The following LHFPL3 variants were observed in gnomAD, a reference collection of about 807,000 sequenced individuals.
LHFPL3 encodes the protein LHFPL tetraspan subfamily member 3.
A neutral mutation model predicts 19.3 loss-of-function variants in LHFPL3; 5 were observed. The ratio of observed to expected loss-of-function variants is 0.26; its 90% CI spans 0.14 to 0.54. The LOEUF is 0.54. Among genes scored for constraint, LHFPL3 ranks in the 20% least tolerant of loss-of-function variants. LHFPL3 has a pLI of 0.94. For missense variants in LHFPL3, 249 were observed against 307.4 expected (o/e 0.81, Z 1.42); for synonymous variants, 133 against 126.2 (o/e 1.05, Z -0.36).
At chr7:104,884,360 C>T (rs994850468) in intron 2 of LHFPL3, among the ~76,000 whole-genome samples, 8 of 152,186 alleles carry the variant, frequency 5.3e-5, no homozygotes, top group Admixed American at 3.3e-4. Context: ...CCTCTGACCG[C>T]TCCCCTGTCC....
intron 1 of LHFPL3, among the ~76,000 whole-genome samples, chr7:104,329,956 C>G (rs938777362): frequency 2.0e-5 from 3 of 152,192 alleles, no homozygotes; most frequent in African/African-American, 7.2e-5. Flanking sequence ...CTCAAGATCT[C>G]ATTTTTGGGA....
intron 1 of LHFPL3, among the ~76,000 whole-genome samples, chr7:104,484,553 G>A (rs1793201890): frequency 6.6e-6 from 1 of 152,174 alleles, no homozygotes; most frequent in Non-Finnish European, 1.5e-5. Context: ...TTCTTCCTGA[G>A]GCAGATGAGG....
intron 1 of LHFPL3, among the ~76,000 whole-genome samples, chr7:104,658,156 CAGAT>C (rs1156782969): frequency 6.6e-6 from 1 of 152,116 alleles, no homozygotes; most frequent in Non-Finnish European, 1.5e-5. Context: ...CTGACTTGGT[CAGAT>C]AAGATTCATA....
chr7:104,596,050 C>A (rs2891728), intron 1 of LHFPL3, among the ~76,000 whole-genome samples: 1 of 152,200 alleles, frequency 6.6e-6, no homozygotes, highest in African/African-American at 2.4e-5. Flanking sequence ...CTTTGGCTCA[C>A]CCTCCGTGGG....
chr7:104,686,695 G>C (rs1206507289), intron 1 of LHFPL3, among the ~76,000 whole-genome samples: 1 of 152,166 alleles, frequency 6.6e-6, no homozygotes, highest in Non-Finnish European at 1.5e-5. Context: ...CCCAAGTTGA[G>C]AGCAGTACTT....
intron 1 of LHFPL3, among the ~76,000 whole-genome samples, chr7:104,364,958 C>T (rs575008568): frequency 6.6e-6 from 1 of 152,236 alleles, no homozygotes; most frequent in African/African-American, 2.4e-5. Context: ...GAGAGAGATA[C>T]TGAGGGTGCA....
intron 1 of LHFPL3, among the ~76,000 whole-genome samples, chr7:104,513,360 A>C (rs1057366589): frequency 1.3e-5 from 2 of 152,206 alleles, no homozygotes; most frequent in African/African-American, 4.8e-5. Flanking sequence ...CAGTGCTGGG[A>C]AAAATGGTTG....
chr7:104,472,460 G>T (rs915464020), intron 1 of LHFPL3, among the ~76,000 whole-genome samples: 14 of 151,972 alleles, frequency 9.2e-5, no homozygotes, highest in African/African-American at 3.4e-4. Context: ...CAAGAACAAA[G>T]AATAAAATAA....
intron 1 of LHFPL3, among the ~76,000 whole-genome samples, chr7:104,502,008 A>G (rs1303631824): frequency 6.6e-6 from 1 of 152,218 alleles, no homozygotes; most frequent in Non-Finnish European, 1.5e-5. Flanking sequence ...TGCTTATTGT[A>G]AATGCATTTG....
At chr7:104,669,564 T>G in intron 1 of LHFPL3, 9 of 1,611,520 alleles carry the variant, frequency 5.6e-6, no homozygotes, top group Non-Finnish European at 7.6e-6. Context: ...AGGGAGAAGA[T>G]TATGCCAAAT....
intron 1 of LHFPL3, among the ~76,000 whole-genome samples, chr7:104,563,001 A>T (rs1421792796): frequency 6.6e-6 from 1 of 152,214 alleles, no homozygotes; most frequent in African/African-American, 2.4e-5. Flanking sequence ...CTCGGGGGTC[A>T]GGGGTCAGGG....
At position 104,693,902 on chromosome 7, in the gene LHFPL3, A is replaced by G. The variant is rs1317495974; in HGVS notation, c.446-42773A>G. On this transcript the variant is annotated intron_variant, in intron 1 of 2. Coordinates refer to ENST00000424859, the MANE Select transcript of LHFPL3 (RefSeq NM_199000.3). ...TGCCTGGGCCTCCCAAAGTGTTGGG[A>G]TTACAGGCGCGAGCCACTGCACCTG... is the stretch of plus-strand genomic sequence containing the variant. Among the ~76,000 whole-genome samples, 4 of 151,692 alleles carry G rather than the reference A, an allele frequency of 2.6e-5. No homozygotes were observed. In the East Asian group the frequency reaches 7.8e-4, roughly 30 times the overall value.
At chr7:104,438,181 G>C (rs1392878723) in intron 1 of LHFPL3, among the ~76,000 whole-genome samples, 2 of 152,206 alleles carry the variant, frequency 1.3e-5, no homozygotes, top group East Asian at 3.8e-4. Context: ...GAACTAGGGA[G>C]AGATATAATA....
intron 2 of LHFPL3, among the ~76,000 whole-genome samples, chr7:104,756,633 G>A (rs1794290853): frequency 6.6e-6 from 1 of 152,078 alleles, no homozygotes; most frequent in Non-Finnish European, 1.5e-5. Context: ...CCAAGAAGAT[G>A]GGATTACAGG....
intron 1 of LHFPL3, among the ~76,000 whole-genome samples, chr7:104,356,298 G>A (rs1465241391): frequency 6.6e-6 from 1 of 152,132 alleles, no homozygotes; most frequent in African/African-American, 2.4e-5. Context: ...TTGATTACAG[G>A]CTGCCTCTGA....
intron 1 of LHFPL3, among the ~76,000 whole-genome samples, chr7:104,332,084 C>T (rs1801576425): frequency 6.6e-6 from 1 of 151,956 alleles, no homozygotes; most frequent in Admixed American, 6.6e-5. Context: ...AAGATGAGAC[C>T]TTAGTGTACT....
At chr7:104,601,765 T>A (rs1376689969) in intron 1 of LHFPL3, among the ~76,000 whole-genome samples, 1 of 152,130 alleles carries the variant, frequency 6.6e-6, no homozygotes, top group Non-Finnish European at 1.5e-5. Flanking sequence ...CAGCCAGACC[T>A]GGTCCTCACC....
chr7:104,618,067 C>G lies in LHFPL3; in HGVS notation c.446-118608C>G, dbSNP rs186114100. Reference sequence around the variant, plus strand: ...TCAGTCTTCCTGGTGTCTGCGTTGCCCTCCAGACCAGAAAGTAACTGCCCC... The same window carrying G: ...TCAGTCTTCCTGGTGTCTGCGTTGCGCTCCAGACCAGAAAGTAACTGCCCC... On this transcript the variant is annotated intron_variant, in intron 1 of 2. Coordinates refer to ENST00000424859, the MANE Select transcript of LHFPL3 (RefSeq NM_199000.3). Among the ~76,000 whole-genome samples the G allele has an allele frequency of 2.1e-3, 319 of 152,186 alleles. 2 individuals are homozygous for G. The highest frequency in any genetic ancestry group is 7.2e-3 in the African/African-American group (299 of 41,520).
intron 2 of LHFPL3, among the ~76,000 whole-genome samples, chr7:104,773,607 G>A (rs537242110): frequency 6.6e-6 from 1 of 152,164 alleles, no homozygotes; most frequent in East Asian, 1.9e-4. Context: ...CCCTTACCTG[G>A]AAATAGGGTT....
Sources: allele counts gnomAD v4.1 joint callset (sites outside exome capture counted in the v4.1 genomes callset), GRCh38; gene constraint gnomAD v4.1.1; transcripts MANE v1.5; gene names NCBI Gene and HGNC (gene_info 2026-07-23, HGNC 2026-07-21).